The following RBM26 variants were observed in gnomAD, a reference collection of about 807,000 sequenced individuals.
RBM26 encodes RNA binding motif protein 26.
RBM26 carries 30 observed loss-of-function variants against 123.6 expected under a neutral mutation model. That is an observed-to-expected ratio of 0.24 (90% CI 0.18 to 0.33). RBM26 has a LOEUF of 0.33. RBM26 is among the 10% of genes least tolerant of loss of function. RBM26 has a pLI of 1.00. For synonymous variants in RBM26, 400 were observed against 404.4 expected (o/e 0.99, Z 0.13); for missense variants, 947 against 1,203.6 (o/e 0.79, Z 3.15).
chr13:79,405,101 TA>T (rs2079411084), intron 1 of RBM26, among the ~76,000 whole-genome samples: 1 of 152,228 alleles, frequency 6.6e-6, no homozygotes. Flanking sequence ...GCATCCCACT[TA>T]AAACTGCTAA....
intron 11 of RBM26, among the ~76,000 whole-genome samples, chr13:79,355,799 G>C (rs1472355771): frequency 6.6e-6 from 1 of 151,932 alleles, no homozygotes; most frequent in African/African-American, 2.4e-5. Flanking sequence ...AAATCCATCT[G>C]AACAATTGCC....
At chr13:79,313,639 A>G (rs1413340997) in exon 5 of RBM26, 1 of 151,810 alleles carries the variant, frequency 6.6e-6, no homozygotes, top group Non-Finnish European at 1.5e-5. Context: ...AAGTCTAACA[A>G]CAACAACAAA....
At chr13:79,356,543 A>G (rs2074033316) in intron 11 of RBM26, among the ~76,000 whole-genome samples, 1 of 152,194 alleles carries the variant, frequency 6.6e-6, no homozygotes, top group African/African-American at 2.4e-5. Flanking sequence ...AGTGTTAAGA[A>G]TTAAATAATT....
chr13:79,358,274 C>CTG lies in RBM26; in HGVS notation c.1687_1688dup (p.Gln563HisfsTer13). 1 of 1,598,772 alleles carries CTG rather than the reference C, an allele frequency of 6.3e-7. No homozygotes were observed. Among genetic ancestry groups the CTG allele is most frequent in the Non-Finnish European group, 8.5e-7 (1 of 1,174,680 alleles). ...AACAAAACCATTTCATGGCTCTTAC[C>CTG]TGTAAGTTAACCAAGGTTCCAAATC... On this transcript the variant is annotated frameshift_variant and splice_region_variant, in exon 11 of 22. Coordinates refer to ENST00000438737, the MANE Select transcript of RBM26 (RefSeq NM_001366735.2). LOFTEE classifies it high-confidence loss of function.
intron 11 of RBM26, 86 bp from the exon 12 acceptor site, chr13:79,355,470 G>GGGAA: frequency 1.0e-6 from 1 of 952,406 alleles, no homozygotes; most frequent in East Asian, 2.5e-5. Context: ...TGAAATACTG[G>GGGAA]TCCTTCCAAG....
intron 2 of RBM26, 103 bp from the exon 3 acceptor site, chr13:79,377,618 T>C: frequency 2.1e-6 from 2 of 941,368 alleles, no homozygotes; most frequent in East Asian, 5.2e-5. Flanking sequence ...ACCTTGACTT[T>C]TATAAACTAG....
At chr13:79,379,278 A>G (rs943824552) in intron 1 of RBM26, among the ~76,000 whole-genome samples, 5 of 151,260 alleles carry the variant, frequency 3.3e-5, no homozygotes, top group African/African-American at 1.2e-4. Flanking sequence ...TCAGTCCTGT[A>G]ATGACAGCAC....
intron 1 of RBM26, among the ~76,000 whole-genome samples, chr13:79,391,888 T>C (rs2078027291): frequency 6.7e-6 from 1 of 149,942 alleles, no homozygotes; most frequent in African/African-American, 2.5e-5. Context: ...AACTAGGGAG[T>C]GTATGAACAA....
At chr13:79,313,532 T>C (rs542640832) in exon 5 of RBM26, 2 of 151,870 alleles carry the variant, frequency 1.3e-5, no homozygotes, top group Admixed American at 1.3e-4. Context: ...ACCAGTGTAG[T>C]AGGGGCAGAA....
Position 79,405,866 on chromosome 13 carries a change from C to G in RBM26, c.-92G>C. On this transcript the variant is annotated 5_prime_UTR_variant, in exon 1 of 22. Transcript: ENST00000438737. ...TGCCCCCGCCCCCTCCTCCGCGCGC[C>G]GCCCGCGTGGGCCGCGGTGGGAGGC... The G allele has an allele frequency of 1.3e-6, 1 of 746,734 alleles. No individual in the cohort carries two copies. Among genetic ancestry groups the G allele is most frequent in the Non-Finnish European group, 1.9e-6 (1 of 539,028 alleles). The allele number at this position is 746,734 out of a possible 1,614,324, so 46.3% of individuals were successfully genotyped here.
intron 4 of RBM26, 51 bp downstream of exon 4, chr13:79,371,791 T>A: frequency 7.8e-7 from 1 of 1,275,166 alleles, no homozygotes; most frequent in Non-Finnish European, 1.1e-6. Flanking sequence ...AACATTTGTA[T>A]AAAAGATAAC....
chr13:79,344,694 T>C lies in RBM26; in HGVS notation c.2159A>G (p.Asn720Ser), dbSNP rs772198861. The change falls in exon 15 of 22, where the codon AAT becomes AGT. Residue 720 changes from asparagine (N) to serine (S), a missense_variant. By Grantham distance (46) the Asn-to-Ser change is conservative. Coordinates refer to ENST00000438737, the MANE Select transcript of RBM26 (RefSeq NM_001366735.2). ...TLLVSTSAVD[N>S]NEAQKKKQEA... ...CTGTTTTTTTTTCTGTGCTTCATTA[T>C]TATCAACTGCAGAGGTGGAAACAAG... 13 of 1,612,992 alleles carry C rather than the reference T, an allele frequency of 8.1e-6. No individual in the cohort carries two copies. In the South Asian group the frequency reaches 1.3e-4, roughly 16 times the overall value.
intron 20 of RBM26, among the ~76,000 whole-genome samples, chr13:79,322,953 CAT>C (rs1291254698): frequency 6.6e-6 from 1 of 151,112 alleles, no homozygotes; most frequent in Admixed American, 6.6e-5. Flanking sequence ...AATAATTTTG[CAT>C]GTGTAAAGTA....
intron 1 of RBM26, among the ~76,000 whole-genome samples, chr13:79,405,428 G>T (rs188691333): frequency 6.6e-6 from 1 of 152,194 alleles, no homozygotes; most frequent in African/African-American, 2.4e-5. Context: ...AACCGATTTT[G>T]AGGCCCCCGG....
chr13:79,321,868 ACCC>A (rs1186831452), intron 21 of RBM26, among the ~76,000 whole-genome samples: 3 of 150,720 alleles, frequency 2.0e-5, no homozygotes, highest in Non-Finnish European at 4.5e-5. Context: ...GTCTGCCACC[ACCC>A]CCCTTTTCAG....
At position 79,379,480 on chromosome 13, in the gene RBM26, C is replaced by A. The variant is rs555019128; in HGVS notation, c.72-573G>T. On this transcript the variant is annotated intron_variant, in intron 1 of 21. Coordinates refer to ENST00000438737, the MANE Select transcript of RBM26 (RefSeq NM_001366735.2). Reference sequence around the variant, plus strand: ...ATCATCTGAGCCCAGAAGTTCAAAGCTGCAGTGATTTGGGATCACGTCACT... The same window carrying A: ...ATCATCTGAGCCCAGAAGTTCAAAGATGCAGTGATTTGGGATCACGTCACT... Among the ~76,000 whole-genome samples the A allele has an allele frequency of 4.6e-5, 7 of 151,264 alleles. No individual in the cohort carries two copies. The East Asian group carries it at 1.4e-3, about 30-fold the overall frequency.
At chr13:79,312,572 T>C (rs1171951690) in exon 5 of RBM26, 7 of 152,026 alleles carry the variant, frequency 4.6e-5, no homozygotes, top group Admixed American at 4.6e-4. Flanking sequence ...TTACATATTT[T>C]AGTATTAGAA....
chr13:79,379,435 C>A (rs921081367), intron 1 of RBM26, among the ~76,000 whole-genome samples: 2 of 148,032 alleles, frequency 1.4e-5, no homozygotes, highest in African/African-American at 2.5e-5. Flanking sequence ...CCCAGCTACT[C>A]GGGAGGCTGA....
chr13:79,316,324 C>T (rs2067153254), downstream of RBM26, among the ~76,000 whole-genome samples: 2 of 151,082 alleles, frequency 1.3e-5, no homozygotes, highest in African/African-American at 4.9e-5. Context: ...GAAAAGAAAA[C>T]ATATTGATAA....
Sources: allele counts gnomAD v4.1 joint callset (sites outside exome capture counted in the v4.1 genomes callset), GRCh38; gene constraint gnomAD v4.1.1; transcripts MANE v1.5; gene names NCBI Gene and HGNC (gene_info 2026-07-23, HGNC 2026-07-21).